The following AGBL1 variants were observed in gnomAD, a reference collection of about 807,000 sequenced individuals.
AGBL1 encodes AGBL carboxypeptidase 1.
Under a neutral mutation model 118.9 loss-of-function variants are expected in AGBL1, and 130 were observed. The observed-to-expected ratio is 1.09, with a 90% confidence interval of 0.95 to 1.26. AGBL1 has a LOEUF of 1.26. AGBL1 is among the 50% of genes most tolerant of loss of function. The probability of loss-of-function intolerance (pLI) is 0.00; values close to 1 mark genes in which losing one functional copy is unlikely to be tolerated. For missense variants in AGBL1, 1,584 were observed against 1,298.1 expected (o/e 1.22, Z -3.38); for synonymous variants, 555 against 478.9 (o/e 1.16, Z -2.08).
rs542411623 is a variant in AGBL1, at chr15:86,990,881, C to G, written c.3323+2793C>G. On this transcript the variant is annotated intron_variant, in intron 24 of 24. Transcript: ENST00000441037. ...GGGAGGTTTATAGGCTGTCTGGGGC[C>G]TCACTTTAGAATGGCATGAATGCTT... is the stretch of plus-strand genomic sequence containing the variant. Among the ~76,000 whole-genome samples, 9 of 152,186 alleles carry G rather than the reference C, an allele frequency of 5.9e-5. No homozygotes were observed. In the South Asian group the frequency reaches 1.9e-3, roughly 32 times the overall value.
chr15:86,489,066 G>T (rs2082747512), intron 18 of AGBL1, among the ~76,000 whole-genome samples: 1 of 151,730 alleles, frequency 6.6e-6, no homozygotes, highest in Non-Finnish European at 1.5e-5. Flanking sequence ...ATAGCAGAAG[G>T]GCTGCAGGAG....
At chr15:86,351,887 A>T (rs1020549374) in intron 17 of AGBL1, among the ~76,000 whole-genome samples, 1 of 152,170 alleles carries the variant, frequency 6.6e-6, no homozygotes, top group African/African-American at 2.4e-5. Context: ...CCTAGTTTTG[A>T]CAAAACATAG....
intron 22 of AGBL1, among the ~76,000 whole-genome samples, chr15:86,824,711 G>A (rs770581220): frequency 6.6e-6 from 1 of 152,084 alleles, no homozygotes; most frequent in Non-Finnish European, 1.5e-5. Context: ...AATCAAGGCA[G>A]CATGATATTG....
intron 21 of AGBL1, among the ~76,000 whole-genome samples, chr15:86,635,560 T>G (rs992809304): frequency 4.0e-5 from 6 of 151,678 alleles, no homozygotes; most frequent in Admixed American, 1.3e-4. Flanking sequence ...GGCTGGACGT[T>G]TAAGGATCCT....
chr15:86,363,920 A>ATC (rs1444333680), intron 17 of AGBL1, among the ~76,000 whole-genome samples: 2 of 152,164 alleles, frequency 1.3e-5, no homozygotes, highest in African/African-American at 4.8e-5. Flanking sequence ...AAATTTAGTA[A>ATC]TCAGAGTTGA....
chr15:86,616,016 T>C (rs1239187399), intron 21 of AGBL1, among the ~76,000 whole-genome samples: 1 of 151,968 alleles, frequency 6.6e-6, no homozygotes, highest in Non-Finnish European at 1.5e-5. Flanking sequence ...ATTAAGCTGA[T>C]TAGGATAGCA....
At chr15:86,268,718 T>A (rs2079111316) in intron 13 of AGBL1, among the ~76,000 whole-genome samples, 1 of 152,152 alleles carries the variant, frequency 6.6e-6, no homozygotes, top group African/African-American at 2.4e-5. Context: ...GGGTTATGTG[T>A]CATGTGTTGT....
chr15:86,174,256 C>G (rs2077452940), intron 5 of AGBL1, among the ~76,000 whole-genome samples: 1 of 151,750 alleles, frequency 6.6e-6, no homozygotes, highest in Non-Finnish European at 1.5e-5. Context: ...CAGCTAGTTT[C>G]TTATTAGTGA....
At chr15:86,534,187 C>G (rs1211534371) in intron 19 of AGBL1, among the ~76,000 whole-genome samples, 1 of 148,866 alleles carries the variant, frequency 6.7e-6, no homozygotes, top group Non-Finnish European at 1.5e-5. Flanking sequence ...AAAGTAGAGT[C>G]AGGTCTACAA....
At position 86,476,300 on chromosome 15, in the gene AGBL1, A is replaced by G. The variant is rs563498320; in HGVS notation, c.2556-46510A>G. The stretch of plus-strand genomic sequence containing the variant: ...CACAGACTGGCAAATTGGATAAAGA[A>G]TCAAAACCCATCAGTGTGCTGTATT... On this transcript the variant is annotated intron_variant, in intron 18 of 22. Transcript: ENST00000614907. Among the ~76,000 whole-genome samples, 16 of 152,298 alleles carry G rather than the reference A, an allele frequency of 1.1e-4. No individual in the cohort carries two copies. In the East Asian group the frequency reaches 2.5e-3, roughly 24 times the overall value.
intron 5 of AGBL1, among the ~76,000 whole-genome samples, chr15:86,189,078 C>T (rs2077676037): frequency 6.6e-6 from 1 of 152,132 alleles, no homozygotes. Context: ...ATGAAAAGGG[C>T]AACCAAATTA....
At chr15:86,980,969 C>T (rs2081226867) in intron 23 of AGBL1, among the ~76,000 whole-genome samples, 1 of 145,046 alleles carries the variant, frequency 6.9e-6, no homozygotes, top group East Asian at 2.1e-4. Flanking sequence ...TCACGACTGT[C>T]TCCACCTCCC....
intron 18 of AGBL1, among the ~76,000 whole-genome samples, chr15:86,495,315 C>T (rs569559935): frequency 5.3e-5 from 8 of 150,968 alleles, no homozygotes; most frequent in East Asian, 2.0e-4. Flanking sequence ...CAAAACAAAA[C>T]GAAACTCTAA....
intron 17 of AGBL1, among the ~76,000 whole-genome samples, chr15:86,339,827 C>T (rs181499620): frequency 7.9e-5 from 12 of 152,132 alleles, no homozygotes; most frequent in Non-Finnish European, 1.2e-4. Context: ...ATTAGCTGGG[C>T]GTAGTGGCGC....
At chr15:86,462,077 C>T (rs754893454) in intron 18 of AGBL1, among the ~76,000 whole-genome samples, 2 of 152,194 alleles carry the variant, frequency 1.3e-5, no homozygotes, top group Non-Finnish European at 1.5e-5. Context: ...AAAATGGCAA[C>T]TGTGCCTGCC....
chr15:86,223,046 T>C (rs780053345), intron 5 of AGBL1, among the ~76,000 whole-genome samples: 1 of 152,172 alleles, frequency 6.6e-6, no homozygotes, highest in South Asian at 2.1e-4. Context: ...AGACCCACAC[T>C]TTGAGTAGCA....
intron 24 of AGBL1, among the ~76,000 whole-genome samples, chr15:87,021,018 C>G (rs1305530281): frequency 6.6e-6 from 1 of 151,842 alleles, no homozygotes; most frequent in African/African-American, 2.4e-5. Context: ...TCATATGAAA[C>G]CAAAAAAGAG....
chr15:86,569,717 A>G (rs4450368), intron 21 of AGBL1, among the ~76,000 whole-genome samples: 83,043 of 152,008 alleles, frequency 0.55, 23,170 homozygotes, highest in East Asian at 0.77. Flanking sequence ...TTAAATAAAA[A>G]TCAAGAGGCA....
intron 23 of AGBL1, among the ~76,000 whole-genome samples, chr15:86,953,991 CA>C (rs1434822229): frequency 3.9e-5 from 6 of 152,130 alleles, no homozygotes; most frequent in Non-Finnish European, 8.8e-5. Context: ...AAATGCTCCT[CA>C]TCACTAATTA....
Sources: allele counts gnomAD v4.1 joint callset (sites outside exome capture counted in the v4.1 genomes callset), GRCh38; gene constraint gnomAD v4.1.1; transcripts MANE v1.5; gene names NCBI Gene and HGNC (gene_info 2026-07-23, HGNC 2026-07-21).